Variants in TNFRSF10C observed in about 807,000 individuals in gnomAD.
TNFRSF10C encodes the protein tumor necrosis factor receptor superfamily member 10C.
A neutral mutation model predicts 16.7 loss-of-function variants in TNFRSF10C; 17 were observed. The ratio of observed to expected loss-of-function variants is 1.02; its 90% CI spans 0.70 to 1.53. TNFRSF10C has a LOEUF of 1.53. Among genes scored for constraint, TNFRSF10C ranks in the 40% most tolerant of loss-of-function variants. The pLI is 0.00. For synonymous variants in TNFRSF10C, 73 were observed against 119.7 expected (o/e 0.61, Z 2.55); for missense variants, 237 against 329.7 (o/e 0.72, Z 2.18).
At chr8:23,103,681 T>C in intron 1 of TNFRSF10C, 1 of 176,248 alleles carries the variant, frequency 5.7e-6, no homozygotes, top group South Asian at 1.1e-4. Context: ...AGGAAGCGGT[T>C]AACCAAGGTG....
At chr8:23,104,371 A>G (rs1374119576) in intron 1 of TNFRSF10C, among the ~76,000 whole-genome samples, 3 of 152,222 alleles carry the variant, frequency 2.0e-5, no homozygotes, top group Non-Finnish European at 4.4e-5. Context: ...TCTTCTTTTA[A>G]ACAAGGGTAT....
chr8:23,115,677 T>G, intron 4 of TNFRSF10C, 61 bp downstream of exon 4: 2 of 1,376,286 alleles, frequency 1.5e-6, no homozygotes, highest in Non-Finnish European at 2.1e-6. Flanking sequence ...CTGAGTCACC[T>G]GGTACCCCTA....
rs958096647 is a variant in TNFRSF10C, at chr8:23,117,407, C to T, written c.*376C>T. The T allele has an allele frequency of 3.0e-5, 10 of 331,784 alleles. No homozygotes were observed. The highest frequency in any genetic ancestry group is 1.8e-4 in the Admixed American group (4 of 21,834). The allele number at this position is 331,784 out of a possible 1,614,324, so 20.6% of individuals were successfully genotyped here. Reference sequence around the variant, plus strand: ...CAAGGGTGAGGATGAGAAGTGGTCACGGGATTTATTCAGCCTTGGTCAGAG... The same window carrying T: ...CAAGGGTGAGGATGAGAAGTGGTCATGGGATTTATTCAGCCTTGGTCAGAG... On this transcript the variant is annotated 3_prime_UTR_variant, in exon 5 of 5. Transcript: ENST00000356864.
intron 1 of TNFRSF10C, among the ~76,000 whole-genome samples, chr8:23,106,687 A>G (rs1301174643): frequency 6.6e-6 from 1 of 152,198 alleles, no homozygotes; most frequent in Non-Finnish European, 1.5e-5. Flanking sequence ...TCTCATCCTT[A>G]AAAATAAGGA....
At position 23,103,030 on chromosome 8, in the gene TNFRSF10C, C is replaced by A; in HGVS notation, c.-92C>A. 1 of 1,562,100 alleles carries A rather than the reference C, an allele frequency of 6.4e-7. No individual in the cohort carries two copies. Among genetic ancestry groups the A allele is most frequent in the Non-Finnish European group, 8.7e-7 (1 of 1,153,088 alleles). ...CAAGGGGTGAAGGAGCGCTTCCTACCGTTAGGGAACTCTGGGGACAGAGCG... is the reference window on the plus strand; with the variant it reads ...CAAGGGGTGAAGGAGCGCTTCCTACAGTTAGGGAACTCTGGGGACAGAGCG... On this transcript the variant is annotated 5_prime_UTR_variant, in exon 1 of 5. Coordinates refer to ENST00000356864, the MANE Select transcript of TNFRSF10C (RefSeq NM_003841.5).
chr8:23,110,069 CAAAAAAAAAAAAA>C (rs56263402), intron 1 of TNFRSF10C, among the ~76,000 whole-genome samples: 82 of 39,656 alleles, frequency 2.1e-3, no homozygotes, highest in African/African-American at 9.6e-3. Context: ...ACCCTGTCTC[CAAAAAAAAAAAAA>C]AAAAAAAAAA....
chr8:23,108,222 G>T (rs1267955356), intron 1 of TNFRSF10C, among the ~76,000 whole-genome samples: 1 of 152,138 alleles, frequency 6.6e-6, no homozygotes, highest in East Asian at 1.9e-4. Flanking sequence ...AAGTACACTT[G>T]GAAGATGGCC....
At chr8:23,106,642 A>C (rs187243695) in intron 1 of TNFRSF10C, among the ~76,000 whole-genome samples, 73 of 152,334 alleles carry the variant, frequency 4.8e-4, no homozygotes, top group Non-Finnish European at 6.9e-4. Flanking sequence ...GATCCATTCT[A>C]ACATGGTCTG....
rs1814005866 is a variant in TNFRSF10C, at chr8:23,117,146, A to G, written c.*115A>G. 3 of 1,469,770 alleles carry G rather than the reference A, an allele frequency of 2.0e-6. No individual in the cohort carries two copies. Among genetic ancestry groups the G allele is most frequent in the Non-Finnish European group, 2.7e-6 (3 of 1,098,156 alleles). The allele number at this position is 1,469,770 out of a possible 1,614,324, so 91.0% of individuals were successfully genotyped here. A position where few individuals can be genotyped will look rare whatever the true frequency, so the allele number is the denominator to read the frequency against. On this transcript the variant is annotated 3_prime_UTR_variant, in exon 5 of 5. Transcript: ENST00000356864. ...CTGCCTCCCTCTGCTGTGTTCCCACAGACAGAAACGCCTGCCCCTGCCCCA... is the reference window on the plus strand; with the variant it reads ...CTGCCTCCCTCTGCTGTGTTCCCACGGACAGAAACGCCTGCCCCTGCCCCA...
intron 4 of TNFRSF10C, among the ~76,000 whole-genome samples, chr8:23,116,308 G>C (rs1813981186): frequency 6.6e-6 from 1 of 152,230 alleles, no homozygotes; most frequent in Non-Finnish European, 1.5e-5. Flanking sequence ...CTGGAGGAAG[G>C]GGCTCAGCTT....
At chr8:23,108,597 C>T (rs1225492470) in intron 1 of TNFRSF10C, among the ~76,000 whole-genome samples, 4 of 152,174 alleles carry the variant, frequency 2.6e-5, no homozygotes, top group African/African-American at 4.8e-5. Context: ...AGGGTTAATT[C>T]TTCAAGGAGT....
At chr8:23,114,451 T>A in intron 2 of TNFRSF10C, 1 of 435,360 alleles carries the variant, frequency 2.3e-6, no homozygotes, top group Non-Finnish European at 4.1e-6. Context: ...GAATTTTGCA[T>A]AGAATTTGAA....
intron 1 of TNFRSF10C, among the ~76,000 whole-genome samples, chr8:23,104,163 A>G (rs1229737884): frequency 6.6e-6 from 1 of 152,244 alleles, no homozygotes; most frequent in Non-Finnish European, 1.5e-5. Context: ...GAGAGAATGC[A>G]TGGATGACCA....
chr8:23,103,035 G>A lies in TNFRSF10C; in HGVS notation c.-87G>A, dbSNP rs1286279921. 6.4e-7 allele frequency: 1 copy of A among 1,565,034 alleles called. No homozygotes were observed. Among genetic ancestry groups the A allele is most frequent in the Non-Finnish European group, 8.7e-7 (1 of 1,154,886 alleles). On this transcript the variant is annotated 5_prime_UTR_variant, in exon 1 of 5. Transcript: ENST00000356864. The stretch of plus-strand genomic sequence containing the variant: ...GGTGAAGGAGCGCTTCCTACCGTTA[G>A]GGAACTCTGGGGACAGAGCGCCCCG...
At chr8:23,112,832 C>T (rs927966166) in intron 2 of TNFRSF10C, among the ~76,000 whole-genome samples, 1 of 152,088 alleles carries the variant, frequency 6.6e-6, no homozygotes, top group African/African-American at 2.4e-5. Flanking sequence ...GGATGTATAC[C>T]CAATAGTGGG....
Position 23,114,773 on chromosome 8 carries a change from A to G in TNFRSF10C, c.280+3A>G. The stretch of plus-strand genomic sequence containing the variant: ...CCCATGTACAGTTTGTAAATCAGGT[A>G]CAGAATGTGTGGACCTCTTGTCCAG... On this transcript the variant is annotated splice_donor_region_variant and intron_variant, in intron 3 of 4. Transcript: ENST00000356864. The G allele has an allele frequency of 6.2e-7, 1 of 1,612,372 alleles. No individual in the cohort carries two copies.
chr8:23,111,929 G>A, intron 2 of TNFRSF10C, 104 bp downstream of exon 2: 1 of 1,179,420 alleles, frequency 8.5e-7, no homozygotes, highest in South Asian at 1.4e-5. Context: ...ACGCATTGTG[G>A]AATGGCTAAA....
chr8:23,104,221 A>C (rs555308479), intron 1 of TNFRSF10C, among the ~76,000 whole-genome samples: 1 of 152,158 alleles, frequency 6.6e-6, no homozygotes, highest in African/African-American at 2.4e-5. Context: ...GGGAATGTGA[A>C]CTCTATGCGT....
chr8:23,103,944 A>G (rs1813719562), intron 1 of TNFRSF10C, among the ~76,000 whole-genome samples: 1 of 152,230 alleles, frequency 6.6e-6, no homozygotes, highest in South Asian at 2.1e-4. Flanking sequence ...ATACAAAAAA[A>G]AGAAAAAAGA....
Sources: allele counts gnomAD v4.1 joint callset (sites outside exome capture counted in the v4.1 genomes callset), GRCh38; gene constraint gnomAD v4.1.1; transcripts MANE v1.5; gene names NCBI Gene and HGNC (gene_info 2026-07-23, HGNC 2026-07-21).